Variants in ABI3BP observed in about 807,000 individuals in gnomAD.
The protein encoded by ABI3BP is ABI family member 3 binding protein.
ABI3BP carries 216 observed loss-of-function variants against 268.6 expected under a neutral mutation model. The observed-to-expected ratio is 0.80, with a 90% CI of 0.72 to 0.90. The LOEUF (loss-of-function observed/expected upper bound fraction) is 0.90, where lower values mean the gene tolerates loss of function less well. Among genes scored for constraint, ABI3BP ranks in the 40% least tolerant of loss-of-function variants. The probability of loss-of-function intolerance (pLI) is 0.00; values close to 1 mark genes in which losing one functional copy is unlikely to be tolerated. For synonymous variants in ABI3BP, 730 were observed against 730.0 expected (o/e 1.00, Z 0.00); for missense variants, 2,090 against 2,182.4 (o/e 0.96, Z 0.84).
intron 17 of ABI3BP, among the ~76,000 whole-genome samples, chr3:100,849,122 G>GAGCA (rs10691498): frequency 0.29 from 43,999 of 151,706 alleles, 6,563 homozygotes; most frequent in African/African-American, 0.34. Flanking sequence ...TATCAGAAGT[G>GAGCA]AGCACCCTTG....
rs574537062 is a variant in ABI3BP, at chr3:100,967,254, T to C, written c.79+26052A>G. Among the ~76,000 whole-genome samples the C allele has an allele frequency of 8.5e-5, 13 of 152,194 alleles. No individual in the cohort carries two copies. In the South Asian group the frequency reaches 2.5e-3, roughly 29 times the overall value. ...CGGTGGCTCACACCTGTAATCGTAA[T>C]AGTTTGGGAGGCTGAGGCGGGTGGA... On this transcript the variant is annotated intron_variant, in intron 1 of 67. Coordinates refer to ENST00000471714, the MANE Select transcript of ABI3BP (RefSeq NM_001375547.2).
At position 100,750,387 on chromosome 3, in the gene ABI3BP, T is replaced by C; in HGVS notation, c.*108A>G. On this transcript the variant is annotated 3_prime_UTR_variant, in exon 68 of 68. Transcript: ENST00000471714. ...CATCTAGTATTGCTATTAATTAGAT[T>C]GTAGACTTTTATACATAGTAAACAA... The C allele has an allele frequency of 9.6e-6, 7 of 728,366 alleles. No homozygotes were observed. The South Asian group carries it at 1.3e-4, about 13-fold the overall frequency. The allele number at this position is 728,366 out of a possible 1,614,324, so 45.1% of individuals were successfully genotyped here.
At chr3:100,983,175 C>T (rs993973710) in intron 1 of ABI3BP, among the ~76,000 whole-genome samples, 1 of 152,172 alleles carries the variant, frequency 6.6e-6, no homozygotes, top group Non-Finnish European at 1.5e-5. Flanking sequence ...GTAAGCAAAG[C>T]GCCCCTGTTC....
In ABI3BP at chr3:100,939,386, A is replaced by T. The variant is rs149267378; in HGVS notation, c.80-12905T>A. On this transcript the variant is annotated intron_variant, in intron 1 of 67. Transcript: ENST00000471714. The stretch of plus-strand genomic sequence containing the variant: ...ATCATTTATCGAGGAACCTGCCCCA[A>T]TAGTCATGTAGGTTCTTTCCTATTT... Among the ~76,000 whole-genome samples, 3 of 84,200 alleles carry T rather than the reference A, an allele frequency of 3.6e-5. No homozygotes were observed. In the South Asian group the frequency reaches 1.4e-3, roughly 40 times the overall value. The allele number at this position is 84,200 out of a possible 152,430, so 55.2% of individuals were successfully genotyped here. A position where few individuals can be genotyped will look rare whatever the true frequency, so the allele number is the denominator to read the frequency against.
intron 63 of ABI3BP, among the ~76,000 whole-genome samples, chr3:100,761,928 ATTCT>A (rs1157090846): frequency 6.6e-6 from 1 of 152,222 alleles, no homozygotes. Context: ...TGCTGTAATA[ATTCT>A]TTCAGAAGCT....
chr3:100,862,453 T>A, intron 13 of ABI3BP, 68 bp from the exon 14 acceptor site: 3 of 1,099,144 alleles, frequency 2.7e-6, no homozygotes, highest in Non-Finnish European at 4.0e-6. Context: ...GAGACAGAAA[T>A]AGGTTGCTGG....
At chr3:100,829,227 G>A (rs956732530) in intron 33 of ABI3BP, among the ~76,000 whole-genome samples, 7 of 151,886 alleles carry the variant, frequency 4.6e-5, no homozygotes, top group African/African-American at 1.7e-4. Context: ...ATCTGGCTCT[G>A]TCTAGAAAAT....
chr3:100,915,204 G>A (rs2058184056), intron 2 of ABI3BP, among the ~76,000 whole-genome samples: 1 of 152,090 alleles, frequency 6.6e-6, no homozygotes, highest in African/African-American at 2.4e-5. Context: ...AGATCAAAGT[G>A]CTTTACTCTT....
At chr3:100,833,853 C>T (rs2098532602) in intron 29 of ABI3BP, among the ~76,000 whole-genome samples, 1 of 152,172 alleles carries the variant, frequency 6.6e-6, no homozygotes, top group African/African-American at 2.4e-5. Flanking sequence ...AGAACTTTGC[C>T]TTTCTTACAA....
intron 4 of ABI3BP, among the ~76,000 whole-genome samples, chr3:100,896,524 C>A (rs2047777179): frequency 6.6e-6 from 1 of 152,124 alleles, no homozygotes; most frequent in Non-Finnish European, 1.5e-5. Flanking sequence ...CCTATTGAAA[C>A]AAGTAGTCCT....
At chr3:100,815,191 A>T (rs1404011895) in intron 44 of ABI3BP, among the ~76,000 whole-genome samples, 1 of 152,168 alleles carries the variant, frequency 6.6e-6, no homozygotes, top group Non-Finnish European at 1.5e-5. Flanking sequence ...TCTAGAAATC[A>T]TTGAAAGCAT....
intron 1 of ABI3BP, among the ~76,000 whole-genome samples, chr3:100,971,814 C>T (rs1005955426): frequency 2.6e-5 from 4 of 152,020 alleles, no homozygotes; most frequent in African/African-American, 9.7e-5. Context: ...TGCTCTTTGT[C>T]CCAGCAAAAC....
intron 1 of ABI3BP, among the ~76,000 whole-genome samples, chr3:100,988,769 C>T (rs1179950506): frequency 6.6e-6 from 1 of 152,196 alleles, no homozygotes; most frequent in Non-Finnish European, 1.5e-5. Flanking sequence ...AGCCTCAGTG[C>T]TCTGTGTATA....
chr3:100,889,436 T>C (rs1264667493), intron 4 of ABI3BP, among the ~76,000 whole-genome samples: 1 of 152,172 alleles, frequency 6.6e-6, no homozygotes, highest in Non-Finnish European at 1.5e-5. Flanking sequence ...AAAACAAAAG[T>C]AATCAGCATT....
chr3:100,810,528 T>G, intron 48 of ABI3BP, 51 bp from the exon 49 acceptor site: 1 of 1,291,382 alleles, frequency 7.7e-7, no homozygotes, highest in Non-Finnish European at 1.1e-6. Flanking sequence ...TTGACAGACC[T>G]TGAGTACAGA....
intron 9 of ABI3BP, among the ~76,000 whole-genome samples, chr3:100,874,388 C>A (rs983754080): frequency 2.0e-5 from 3 of 152,056 alleles, no homozygotes; most frequent in African/African-American, 7.2e-5. Flanking sequence ...TTTTCTTTTA[C>A]TCTTATGTTT....
At chr3:100,804,704 G>T in intron 51 of ABI3BP, 88 bp downstream of exon 51, 1 of 1,149,712 alleles carries the variant, frequency 8.7e-7, no homozygotes, top group South Asian at 1.3e-5. Context: ...GTGAAATATT[G>T]ACCTCACTTC....
At position 100,846,406 on chromosome 3, in the gene ABI3BP, G is replaced by A; in HGVS notation, c.1689C>T (p.Ile563=). ...KTQFISLKPK[I]PLSPEVTHTK... ...TGTGTGTCACTTCTGGGCTGAGAGG[G>A]ATTTTAGGTTTCAGAGAAATAAATT... is the stretch of plus-strand genomic sequence containing the variant. The change falls in exon 20 of 68, where the codon ATC becomes ATT. Residue 563 remains isoleucine, a synonymous_variant. Transcript: ENST00000471714. 1 of 1,603,290 alleles carries A rather than the reference G, an allele frequency of 6.2e-7. No homozygotes were observed. The highest frequency in any genetic ancestry group is 8.5e-7 in the Non-Finnish European group (1 of 1,174,600).
intron 56 of ABI3BP, among the ~76,000 whole-genome samples, chr3:100,788,696 T>G (rs1032046013): frequency 3.3e-5 from 5 of 152,094 alleles, no homozygotes; most frequent in Non-Finnish European, 5.9e-5. Context: ...GTTGGAAAAT[T>G]ATAACAAAAT....
Sources: allele counts gnomAD v4.1 joint callset (sites outside exome capture counted in the v4.1 genomes callset), GRCh38; gene constraint gnomAD v4.1.1; transcripts MANE v1.5; gene names NCBI Gene and HGNC (gene_info 2026-07-23, HGNC 2026-07-21).